The following COMMD6 variants were observed in gnomAD, a reference collection of about 807,000 sequenced individuals.
The protein encoded by COMMD6 is COMM domain-containing protein 6.
Under a neutral mutation model 13.4 loss-of-function variants are expected in COMMD6, and 11 were observed. The ratio of observed to expected loss-of-function variants is 0.82; its 90% CI spans 0.52 to 1.36. The LOEUF (loss-of-function observed/expected upper bound fraction) is 1.36, where lower values mean the gene tolerates loss of function less well. Among genes scored for constraint, COMMD6 ranks in the 40% most tolerant of loss-of-function variants. The pLI, the probability that COMMD6 is intolerant of heterozygous loss-of-function variation, is 0.00. For missense variants in COMMD6, 124 were observed against 102.4 expected (o/e 1.21, Z -0.91); for synonymous variants, 43 against 36.5 (o/e 1.18, Z -0.64).
chr13:75,537,753 T>C lies in COMMD6; in HGVS notation c.42+11A>G, dbSNP rs1310124382. On this transcript the variant is annotated intron_variant, in intron 1 of 3. Transcript: ENST00000682242. ...CCTCGCTGCCCACTCTCCTTCCAGGTTGGAACTCACATCGGACTTAGCATC... is the reference window on the plus strand; with the variant it reads ...CCTCGCTGCCCACTCTCCTTCCAGGCTGGAACTCACATCGGACTTAGCATC... 1.9e-6 allele frequency: 3 copies of C among 1,613,754 alleles called. No homozygotes were observed. The highest frequency in any genetic ancestry group is 1.1e-5 in the South Asian group (1 of 91,062).
intron 3 of COMMD6, among the ~76,000 whole-genome samples, chr13:75,528,161 C>T (rs2030336290): frequency 6.6e-6 from 1 of 151,704 alleles, no homozygotes; most frequent in Non-Finnish European, 1.5e-5. Context: ...GTGAAACCTT[C>T]AAAATACACA....
chr13:75,534,580 T>C (rs1406598641), intron 2 of COMMD6, among the ~76,000 whole-genome samples: 1 of 152,194 alleles, frequency 6.6e-6, no homozygotes, highest in Non-Finnish European at 1.5e-5. Context: ...CTATGCAGAA[T>C]GTTAAGAATG....
intron 3 of COMMD6, 40 bp from the exon 4 acceptor site, chr13:75,526,679 A>G: frequency 7.0e-7 from 1 of 1,427,036 alleles, no homozygotes; most frequent in Non-Finnish European, 9.8e-7. Context: ...TTTTGCTTTT[A>G]GAAGATATTT....
upstream of COMMD6, among the ~76,000 whole-genome samples, chr13:75,538,185 A>G (rs753439534): frequency 5.5e-4 from 84 of 152,282 alleles, no homozygotes; most frequent in Middle Eastern, 0.01. Flanking sequence ...GCGCTGGGCG[A>G]CCGCACCCCC....
chr13:75,537,800 C>G lies in COMMD6; in HGVS notation c.6G>C (p.Glu2Asp). M[E>D]ASSEPPLDAK... is the part of the protein sequence containing the mutation. ...CATCCAGCGGCGGCTCGCTGGACGCCTCCATGGGCAGCGTCTGGGACTTGC... is the reference window on the plus strand; with the variant it reads ...CATCCAGCGGCGGCTCGCTGGACGCGTCCATGGGCAGCGTCTGGGACTTGC... Residue 2 changes from glutamate (E) to aspartate (D), a missense_variant, in exon 1 of 4, where the codon GAG becomes GAC. Physicochemically the swap from Glu to Asp is conservative, Grantham distance 45. Coordinates refer to ENST00000682242, the MANE Select transcript of COMMD6 (RefSeq NM_203495.4). 1 of 1,606,308 alleles carries G rather than the reference C, an allele frequency of 6.2e-7. No individual in the cohort carries two copies. The highest frequency in any genetic ancestry group is 1.1e-5 in the South Asian group (1 of 90,602).
At chr13:75,548,055 A>T (rs1254506987) in intron 1 of COMMD6, among the ~76,000 whole-genome samples, 1 of 152,240 alleles carries the variant, frequency 6.6e-6, no homozygotes, top group Non-Finnish European at 1.5e-5. Context: ...CTGGAAGATA[A>T]AGATGCTGTG....
rs2030715995 is a variant in COMMD6, at chr13:75,537,548, T to A, written c.54+116A>T. 3.2e-6 allele frequency: 5 copies of A among 1,560,570 alleles called. No individual in the cohort carries two copies. In the East Asian group the frequency reaches 7.3e-5, roughly 23 times the overall value. ...GCAATGCAAGAGGGACGGCTGAAGG[T>A]CACCGGCTCGCGGACACAGGACTAG... is the stretch of plus-strand genomic sequence containing the variant. On this transcript the variant is annotated intron_variant, in intron 2 of 3. Coordinates refer to ENST00000682242, the MANE Select transcript of COMMD6 (RefSeq NM_203495.4).
At chr13:75,548,216 A>G (rs909915794) in intron 1 of COMMD6, among the ~76,000 whole-genome samples, 7 of 152,242 alleles carry the variant, frequency 4.6e-5, no homozygotes, top group African/African-American at 1.7e-4. Flanking sequence ...ATGTAACTCT[A>G]GTGATAATGC....
Position 75,526,537 on chromosome 13 carries a change from T to C in COMMD6, c.*52A>G. 2 of 1,238,598 alleles carry C rather than the reference T, an allele frequency of 1.6e-6. No homozygotes were observed. The allele number at this position is 1,238,598 out of a possible 1,614,324, so 76.7% of individuals were successfully genotyped here. ...CCTTATTTAGTTTTGTTGCCGAAAGTGAAGTCCATGACTTTAGAATGATAG... is the reference window on the plus strand; with the variant it reads ...CCTTATTTAGTTTTGTTGCCGAAAGCGAAGTCCATGACTTTAGAATGATAG... On this transcript the variant is annotated 3_prime_UTR_variant, in exon 4 of 4. Coordinates refer to ENST00000682242, the MANE Select transcript of COMMD6 (RefSeq NM_203495.4).
chr13:75,540,988 T>C (rs1280084775), upstream of COMMD6, among the ~76,000 whole-genome samples: 1 of 152,196 alleles, frequency 6.6e-6, no homozygotes, highest in Non-Finnish European at 1.5e-5. Context: ...CTCAGTGTAC[T>C]TAGGAGATTG....
chr13:75,547,621 A>G (rs1309427197), intron 1 of COMMD6, among the ~76,000 whole-genome samples: 2 of 152,196 alleles, frequency 1.3e-5, no homozygotes, highest in Non-Finnish European at 2.9e-5. Context: ...TGCCCTCAAT[A>G]CCATGATAGG....
chr13:75,528,371 A>G (rs1250320572), intron 3 of COMMD6, among the ~76,000 whole-genome samples: 2 of 152,198 alleles, frequency 1.3e-5, no homozygotes, highest in Non-Finnish European at 2.9e-5. Flanking sequence ...CTGAGTCCTC[A>G]TATTTAGTTG....
chr13:75,539,333 G>C (rs770964065), upstream of COMMD6, among the ~76,000 whole-genome samples: 4 of 151,942 alleles, frequency 2.6e-5, no homozygotes, highest in Non-Finnish European at 2.9e-5. Context: ...CTGCCTCCCA[G>C]GTTCAAACAA....
At chr13:75,540,750 A>G (rs2030815238), upstream of COMMD6, among the ~76,000 whole-genome samples, 1 of 152,242 alleles carries the variant, frequency 6.6e-6, no homozygotes, top group Non-Finnish European at 1.5e-5. Context: ...TTTTTACATA[A>G]TGACATATAA....
intron 2 of COMMD6, among the ~76,000 whole-genome samples, chr13:75,535,122 G>A (rs563628730): frequency 6.7e-6 from 1 of 149,822 alleles, no homozygotes; most frequent in Admixed American, 6.8e-5. Flanking sequence ...AAAGAGACTC[G>A]AATAAAATGA....
chr13:75,544,434 C>G (rs2030870900), intron 1 of COMMD6, among the ~76,000 whole-genome samples: 1 of 152,104 alleles, frequency 6.6e-6, no homozygotes, highest in Admixed American at 6.6e-5. Context: ...AGTTTTCAAC[C>G]TTCGGCTTAA....
intron 1 of COMMD6, among the ~76,000 whole-genome samples, chr13:75,546,951 A>G (rs2030913973): frequency 6.6e-6 from 1 of 152,020 alleles, no homozygotes; most frequent in Non-Finnish European, 1.5e-5. Context: ...TATTTTCATT[A>G]GCTAATCAAT....
At chr13:75,542,290 C>T (rs1593962608), upstream of COMMD6, among the ~76,000 whole-genome samples, 5 of 138,114 alleles carry the variant, frequency 3.6e-5, no homozygotes, top group Admixed American at 7.3e-5. Flanking sequence ...TCTTTCTTTC[C>T]TTTTTTTTTT....
rs544267315 is a variant in COMMD6, at chr13:75,526,199, A to T, written c.*390T>A. 6.5e-6 allele frequency: 1 copy of T among 154,538 alleles called. No individual in the cohort carries two copies. The highest frequency in any genetic ancestry group is 2.4e-5 in the African/African-American group (1 of 41,666). 9.6% of individuals were successfully genotyped at this position (154,538 alleles called of 1,614,324 possible). On this transcript the variant is annotated 3_prime_UTR_variant, in exon 4 of 4. Coordinates refer to ENST00000682242, the MANE Select transcript of COMMD6 (RefSeq NM_203495.4). ...TAATCAAATACTACTTTTCTAATTTATATATATTTTTATATACATGACTCC... is the reference window on the plus strand; with the variant it reads ...TAATCAAATACTACTTTTCTAATTTTTATATATTTTTATATACATGACTCC...
Sources: gnomAD v4.1 joint callset for allele counts (sites outside exome capture counted in the v4.1 genomes callset) on GRCh38, gnomAD v4.1.1 for gene constraint, MANE v1.5 for transcripts, NCBI Gene and HGNC (gene_info 2026-07-23, HGNC 2026-07-21) for gene names.